The following TP53INP1 variants were observed in gnomAD, a reference collection of about 807,000 sequenced individuals.
TP53INP1 encodes tumor protein p53-inducible nuclear protein 1.
Under a neutral mutation model 21.0 loss-of-function variants are expected in TP53INP1, and 12 were observed. The ratio of observed to expected loss-of-function variants is 0.57; its 90% CI spans 0.37 to 0.93. The LOEUF (loss-of-function observed/expected upper bound fraction) is 0.93, where lower values mean the gene tolerates loss of function less well. TP53INP1 is among the 40% of genes least tolerant of loss of function. The pLI is 0.01. For synonymous variants in TP53INP1, 91 were observed against 94.8 expected, an observed-to-expected ratio of 0.96 and a Z score of 0.23; for missense variants, 274 against 294.7, an observed-to-expected ratio of 0.93 and a Z score of 0.51.
In TP53INP1 at chr8:94,930,239, T is replaced by C; in HGVS notation, c.*240A>G. ...GACACCCCCAAACACTGTAATTATA[T>C]TGATATGTTTCCAGAAATAATCTGA... On this transcript the variant is annotated 3_prime_UTR_variant, in exon 4 of 4. Coordinates refer to ENST00000342697, the MANE Select transcript of TP53INP1 (RefSeq NM_033285.4). 1.9e-6 allele frequency: 1 copy of C among 521,604 alleles called. No homozygotes were observed. The highest frequency in any genetic ancestry group is 3.3e-6 in the Non-Finnish European group (1 of 299,404). The allele number at this position is 521,604 out of a possible 1,614,324, so 32.3% of individuals were successfully genotyped here. A position where few individuals can be genotyped will look rare whatever the true frequency, so the allele number is the denominator to read the frequency against.
chr8:94,944,529 A>G (rs1821824462), intron 1 of TP53INP1, among the ~76,000 whole-genome samples: 1 of 152,166 alleles, frequency 6.6e-6, no homozygotes, highest in South Asian at 2.1e-4. Context: ...TGGTTTCCCA[A>G]AGTCAGAGGC....
chr8:94,933,835 G>GGT (rs796460969), intron 3 of TP53INP1, among the ~76,000 whole-genome samples: 2 of 14,274 alleles, frequency 1.4e-4, no homozygotes, highest in Non-Finnish European at 5.0e-4. Context: ...AGCACTTTGT[G>GGT]GGGGGGGGGG....
At position 94,926,093 on chromosome 8, in the gene TP53INP1, A is replaced by G. The variant is rs1267068389; in HGVS notation, c.*4386T>C. The G allele has an allele frequency of 1.3e-5, 2 of 152,612 alleles. No individual in the cohort carries two copies. The highest frequency in any genetic ancestry group is 4.8e-5 in the African/African-American group (2 of 41,444). 9.5% of individuals were successfully genotyped at this position (152,612 alleles called of 1,614,324 possible). A position where few individuals can be genotyped will look rare whatever the true frequency, so the allele number is the denominator to read the frequency against. On this transcript the variant is annotated 3_prime_UTR_variant, in exon 4 of 4. Transcript: ENST00000342697. ...ACACACAATGTTTAAACAATGCTAC[A>G]CTCATTTTTGGCAAAGTGCTGTATT...
At position 94,935,667 on chromosome 8, in the gene TP53INP1, T is replaced by G. The variant is rs572871873; in HGVS notation, c.473+4193A>C. Among the ~76,000 whole-genome samples the G allele has an allele frequency of 8.5e-5, 13 of 152,282 alleles. No individual in the cohort carries two copies. The East Asian group carries it at 9.7e-4, about 11-fold the overall frequency. ...GGTGAAGATAAATTCCTGGGACTCC[T>G]TGGTATGGGAGCTCCATGTACTGTG... is the stretch of plus-strand genomic sequence containing the variant. On this transcript the variant is annotated intron_variant, in intron 3 of 3. Coordinates refer to ENST00000342697, the MANE Select transcript of TP53INP1 (RefSeq NM_033285.4).
At position 94,929,752 on chromosome 8, in the gene TP53INP1, A is replaced by G. The variant is rs527641029; in HGVS notation, c.*727T>C. On this transcript the variant is annotated 3_prime_UTR_variant, in exon 4 of 4. Transcript: ENST00000342697. ...TGAATTTTTCCAAATATAATCTCAC[A>G]GGTCTAATTTAATCCCTCTGCACGA... 1 of 152,358 alleles carries G rather than the reference A, an allele frequency of 6.6e-6. No homozygotes were observed. The highest frequency in any genetic ancestry group is 1.5e-5 in the Non-Finnish European group (1 of 68,034). 9.4% of individuals were successfully genotyped at this position (152,358 alleles called of 1,614,324 possible).
intron 3 of TP53INP1, among the ~76,000 whole-genome samples, chr8:94,931,587 T>TACACACACACACACAC (rs557721378): frequency 1.5e-5 from 1 of 68,532 alleles, no homozygotes; most frequent in African/African-American, 3.4e-5. Context: ...ACATATTTAT[T>TACACACACACACACAC]ACACACACAC....
Position 94,930,347 on chromosome 8 carries a change from T to C in TP53INP1, c.*132A>G, listed in dbSNP as rs1385225326. 1.8e-5 allele frequency: 23 copies of C among 1,313,152 alleles called. No homozygotes were observed. The East Asian group carries it at 5.3e-4, about 31-fold the overall frequency. 81.3% of individuals were successfully genotyped at this position (1,313,152 alleles called of 1,614,324 possible). ...TAAATCTGATTTTCAAGATAGTGTC[T>C]AAATACACTGATAAAACTATGTGAT... On this transcript the variant is annotated 3_prime_UTR_variant, in exon 4 of 4. Coordinates refer to ENST00000342697, the MANE Select transcript of TP53INP1 (RefSeq NM_033285.4).
chr8:94,940,288 A>G, intron 2 of TP53INP1, 68 bp from the exon 3 acceptor site: 2 of 1,510,710 alleles, frequency 1.3e-6, no homozygotes, highest in Non-Finnish European at 1.8e-6. Flanking sequence ...TGATTATCAC[A>G]TTGGGCAGTC....
chr8:94,931,717 G>A (rs1450954679), intron 3 of TP53INP1, among the ~76,000 whole-genome samples: 1 of 152,152 alleles, frequency 6.6e-6, no homozygotes, highest in African/African-American at 2.4e-5. Flanking sequence ...GCTCGCTCTT[G>A]TAATCCCAAC....
At chr8:94,946,085 C>T (rs1458415291) in intron 1 of TP53INP1, among the ~76,000 whole-genome samples, 1 of 145,632 alleles carries the variant, frequency 6.9e-6, no homozygotes, top group Non-Finnish European at 1.5e-5. Context: ...CACCACTTAA[C>T]ACATTGGTGC....
chr8:94,933,589 A>G (rs1166965582), intron 3 of TP53INP1, among the ~76,000 whole-genome samples: 1 of 151,876 alleles, frequency 6.6e-6, no homozygotes, highest in African/African-American at 2.4e-5. Context: ...ACATGGTGAA[A>G]CCCTGTCTCT....
chr8:94,930,433 A>G lies in TP53INP1; in HGVS notation c.*46T>C, dbSNP rs1820277270. 2 of 1,609,012 alleles carry G rather than the reference A, an allele frequency of 1.2e-6. No individual in the cohort carries two copies. Among genetic ancestry groups the G allele is most frequent in the African/African-American group, 2.7e-5 (2 of 74,928 alleles). On this transcript the variant is annotated 3_prime_UTR_variant, in exon 4 of 4. Transcript: ENST00000342697. ...ACTGTACATATACACACATCCATACATGTAAGCACAAACCAAGAGAAACCA... is the reference window on the plus strand; with the variant it reads ...ACTGTACATATACACACATCCATACGTGTAAGCACAAACCAAGAGAAACCA...
chr8:94,945,562 T>C (rs769686214), intron 1 of TP53INP1: 1 of 152,270 alleles, frequency 6.6e-6, no homozygotes, highest in Non-Finnish European at 1.5e-5. Flanking sequence ...ACTGCTACTG[T>C]TGACCTTGGC....
chr8:94,934,350 A>G (rs933859735), intron 3 of TP53INP1, among the ~76,000 whole-genome samples: 6 of 152,022 alleles, frequency 3.9e-5, no homozygotes, highest in Non-Finnish European at 8.8e-5. Context: ...AAACATATAA[A>G]TGCCAGTAAG....
Position 94,930,213 on chromosome 8 carries a change from A to G in TP53INP1, c.*266T>C, listed in dbSNP as rs1320202449. The G allele has an allele frequency of 5.0e-6, 2 of 400,196 alleles. No individual in the cohort carries two copies. The highest frequency in any genetic ancestry group is 4.2e-5 in the East Asian group (1 of 23,786). 24.8% of individuals were successfully genotyped at this position (400,196 alleles called of 1,614,324 possible). On this transcript the variant is annotated 3_prime_UTR_variant, in exon 4 of 4. Transcript: ENST00000342697. ...CTAATGTATAACCTAATATATTTAA[A>G]GACACCCCCAAACACTGTAATTATA...
At chr8:94,941,899 G>T (rs181837568) in intron 1 of TP53INP1, among the ~76,000 whole-genome samples, 6 of 152,226 alleles carry the variant, frequency 3.9e-5, no homozygotes, top group Admixed American at 3.9e-4. Context: ...CCTGATGGGC[G>T]TATCAAACCA....
At position 94,930,316 on chromosome 8, in the gene TP53INP1, A is replaced by G. The variant is rs1820264917; in HGVS notation, c.*163T>C. Reference sequence around the variant, plus strand: ...AAAGGCAAGGCATTATGTGATACACAGCATATAAATCTGATTTTCAAGATA... The same window carrying G: ...AAAGGCAAGGCATTATGTGATACACGGCATATAAATCTGATTTTCAAGATA... On this transcript the variant is annotated 3_prime_UTR_variant, in exon 4 of 4. Coordinates refer to ENST00000342697, the MANE Select transcript of TP53INP1 (RefSeq NM_033285.4). 3 of 938,334 alleles carry G rather than the reference A, an allele frequency of 3.2e-6. No individual in the cohort carries two copies. Among genetic ancestry groups the G allele is most frequent in the South Asian group, 3.5e-5 (2 of 57,530 alleles). The allele number at this position is 938,334 out of a possible 1,614,324, so 58.1% of individuals were successfully genotyped here.
chr8:94,937,549 G>A (rs911784436), intron 3 of TP53INP1, among the ~76,000 whole-genome samples: 1 of 152,152 alleles, frequency 6.6e-6, no homozygotes, highest in Non-Finnish European at 1.5e-5. Flanking sequence ...AAGGGATGGG[G>A]AGGAGGATGC....
At chr8:94,941,553 C>T (rs917472602) in intron 1 of TP53INP1, among the ~76,000 whole-genome samples, 1 of 152,218 alleles carries the variant, frequency 6.6e-6, no homozygotes, top group Non-Finnish European at 1.5e-5. Flanking sequence ...TAACTGTAAG[C>T]ACACCTGATT....
Sources: gnomAD v4.1 joint callset for allele counts (sites outside exome capture counted in the v4.1 genomes callset) on GRCh38, gnomAD v4.1.1 for gene constraint, MANE v1.5 for transcripts, NCBI Gene and HGNC (gene_info 2026-07-23, HGNC 2026-07-21) for gene names.